Variants in GLI2 observed in about 807,000 individuals in gnomAD.
The protein encoded by GLI2 is transcription activator GLI2.
GLI2 carries 22 observed loss-of-function variants against 78.9 expected under a neutral mutation model. The ratio of observed to expected loss-of-function variants is 0.28; its 90% CI spans 0.20 to 0.40. GLI2 has a LOEUF of 0.40. GLI2 is among the 10% of genes least tolerant of loss of function. The probability of loss-of-function intolerance (pLI) is 1.00; values close to 1 mark genes in which losing one functional copy is unlikely to be tolerated. For synonymous variants in GLI2, 974 were observed against 963.7 expected (o/e 1.01, Z -0.20); for missense variants, 2,097 against 2,213.2 (o/e 0.95, Z 1.05).
At chr2:120,987,738 C>T (rs1683045782) in intron 13 of GLI2, among the ~76,000 whole-genome samples, 2 of 152,154 alleles carry the variant, frequency 1.3e-5, no homozygotes, top group African/African-American at 4.8e-5. Context: ...CCCTCCTCTG[C>T]GTAACTCAGT....
intron 2 of GLI2, among the ~76,000 whole-genome samples, chr2:120,812,405 G>A (rs910801840): frequency 6.6e-6 from 1 of 152,190 alleles, no homozygotes; most frequent in Admixed American, 6.5e-5. Flanking sequence ...GTGCATCCTT[G>A]TCTTTCACGG....
At chr2:120,864,742 C>T (rs1007611133) in intron 2 of GLI2, among the ~76,000 whole-genome samples, 6 of 152,164 alleles carry the variant, frequency 3.9e-5, no homozygotes, top group Non-Finnish European at 5.9e-5. Flanking sequence ...TCACCGCGCC[C>T]GGCCCCATCC....
intron 2 of GLI2, among the ~76,000 whole-genome samples, chr2:120,896,665 ACCCAC>A (rs1473272354): frequency 0.035 from 607 of 17,580 alleles, 7 homozygotes; most frequent in African/African-American, 0.092. Context: ...ACACACATAC[ACCCAC>A]CCCCCCACAC....
At chr2:120,792,108 C>T (rs1312272391) in intron 1 of GLI2, among the ~76,000 whole-genome samples, 2 of 152,206 alleles carry the variant, frequency 1.3e-5, no homozygotes, top group East Asian at 3.8e-4. Context: ...GCTCTAATTC[C>T]TGTGAGTCAC....
intron 2 of GLI2, among the ~76,000 whole-genome samples, chr2:120,847,599 A>C (rs1687181810): frequency 7.1e-6 from 1 of 141,516 alleles, no homozygotes. Context: ...ACCGCCTAGA[A>C]CTTGGATTGG....
At chr2:120,791,301 G>A (rs11898679) in intron 1 of GLI2, among the ~76,000 whole-genome samples, 3,071 of 152,274 alleles carry the variant, frequency 0.02, 71 homozygotes, top group African/African-American at 0.068. Context: ...GTCAGAGCCC[G>A]CTTTGCTCCT....
intron 1 of GLI2, among the ~76,000 whole-genome samples, chr2:120,794,315 A>G (rs907640939): frequency 1.4e-4 from 21 of 152,228 alleles, no homozygotes; most frequent in African/African-American, 5.1e-4. Flanking sequence ...GTGCAAGGGC[A>G]GAGCCAGTTA....
intron 2 of GLI2, among the ~76,000 whole-genome samples, chr2:120,862,521 G>A (rs4848125): frequency 0.6 from 90,691 of 151,926 alleles, 28,108 homozygotes; most frequent in East Asian, 0.75. Flanking sequence ...GCGTGACCCC[G>A]TCTCTCTGTC....
intron 2 of GLI2, among the ~76,000 whole-genome samples, chr2:120,829,257 G>C (rs984213352): frequency 9.2e-5 from 14 of 152,224 alleles, no homozygotes; most frequent in Non-Finnish European, 1.8e-4. Context: ...AGCCCCAGGG[G>C]CAGTATGCCT....
intron 2 of GLI2, among the ~76,000 whole-genome samples, chr2:120,841,086 G>A (rs1341285121): frequency 6.6e-6 from 1 of 152,236 alleles, no homozygotes; most frequent in Non-Finnish European, 1.5e-5. Flanking sequence ...GAAACTCGAA[G>A]TCGCTACGCT....
intron 2 of GLI2, among the ~76,000 whole-genome samples, chr2:120,852,791 G>C (rs546364461): frequency 6.6e-6 from 1 of 152,186 alleles, no homozygotes; most frequent in Non-Finnish European, 1.5e-5. Flanking sequence ...TGCCTTGGTA[G>C]GTCATCAGGA....
Position 120,989,184 on chromosome 2 carries a change from C to T in GLI2, c.3219C>T (p.Ser1073=), listed in dbSNP as rs568644640. The part of the protein sequence containing the change: ...EGTGQVYPTE[S]TGFSDNPRLP... Reference sequence around the variant, plus strand: ...CCGGGCAGGTGTATCCCACGGAAAGCACTGGCTTCTCTGACAACCCCAGAC... The same window carrying T: ...CCGGGCAGGTGTATCCCACGGAAAGTACTGGCTTCTCTGACAACCCCAGAC... Residue 1073 remains serine (S), a synonymous_variant, in exon 14 of 14, where the codon AGC becomes AGT. Transcript: ENST00000361492. The T allele has an allele frequency of 6.8e-6, 11 of 1,613,248 alleles. No homozygotes were observed. The highest frequency in any genetic ancestry group is 9.3e-6 in the Non-Finnish European group (11 of 1,180,002).
chr2:120,740,451 C>G (rs946036665), intron 1 of GLI2, among the ~76,000 whole-genome samples: 8 of 137,770 alleles, frequency 5.8e-5, no homozygotes, highest in African/African-American at 2.2e-4. Flanking sequence ...AAAAAAAAAA[C>G]AGGTTGCTGG....
At chr2:120,858,944 G>C (rs975221455) in intron 2 of GLI2, among the ~76,000 whole-genome samples, 3 of 152,216 alleles carry the variant, frequency 2.0e-5, no homozygotes, top group African/African-American at 4.8e-5. Context: ...GCGTGTTCCA[G>C]GCTTGGGCAG....
At chr2:120,888,543 G>A (rs1677525622) in intron 2 of GLI2, among the ~76,000 whole-genome samples, 1 of 151,364 alleles carries the variant, frequency 6.6e-6, no homozygotes, top group Non-Finnish European at 1.5e-5. Flanking sequence ...ACCAGTGAGA[G>A]ACACACAGGC....
At chr2:120,888,146 A>G (rs1677505817) in intron 2 of GLI2, among the ~76,000 whole-genome samples, 1 of 152,224 alleles carries the variant, frequency 6.6e-6, no homozygotes, top group Non-Finnish European at 1.5e-5. Flanking sequence ...GATGCCGAAA[A>G]GAAACCTCCA....
At position 120,905,857 on chromosome 2, in the gene GLI2, G is replaced by A. The variant is rs537551913; in HGVS notation, c.149-21504G>A. 3.3e-5 allele frequency among the ~76,000 whole-genome samples: 5 copies of A among 150,280 alleles called. No homozygotes were observed. In the East Asian group the frequency reaches 9.7e-4, roughly 29 times the overall value. On this transcript the variant is annotated intron_variant, in intron 2 of 13. Transcript: ENST00000361492. ...AGGTTACCAGGGGCTGATTGGGGGAGGGCTACACTGCCCCCCCCCCGCCCC... is the reference window on the plus strand; with the variant it reads ...AGGTTACCAGGGGCTGATTGGGGGAAGGCTACACTGCCCCCCCCCCGCCCC...
intron 3 of GLI2, among the ~76,000 whole-genome samples, chr2:120,938,931 C>A (rs1573636151): frequency 1.8e-5 from 2 of 110,442 alleles, no homozygotes; most frequent in East Asian, 6.0e-4. Flanking sequence ...CTACTTCTAC[C>A]CAGCCATCCT....
intron 1 of GLI2, among the ~76,000 whole-genome samples, chr2:120,787,968 G>A (rs750266534): frequency 2.4e-4 from 36 of 152,212 alleles, no homozygotes; most frequent in Non-Finnish European, 4.3e-4. Flanking sequence ...TGGGACTGTC[G>A]TGTCAATTCT....
Sources: allele counts gnomAD v4.1 joint callset (sites outside exome capture counted in the v4.1 genomes callset), GRCh38; gene constraint gnomAD v4.1.1; transcripts MANE v1.5; gene names NCBI Gene and HGNC (gene_info 2026-07-23, HGNC 2026-07-21).